The following FLNA variants were observed in gnomAD, a reference collection of about 807,000 sequenced individuals.
The protein encoded by FLNA is filamin-A.
A neutral mutation model predicts 157.6 loss-of-function variants in FLNA; 7 were observed. The observed-to-expected ratio is 0.04, with a 90% CI of 0.03 to 0.08. The LOEUF (loss-of-function observed/expected upper bound fraction) is 0.08, where lower values mean the gene tolerates loss of function less well. Ranked by LOEUF, FLNA falls within the 10% of genes least tolerant of loss-of-function variation. The probability of loss-of-function intolerance (pLI) is 1.00; values close to 1 mark genes in which losing one functional copy is unlikely to be tolerated. For missense variants in FLNA, 1,750 were observed against 2,398.4 expected (o/e 0.73, Z 5.65); for synonymous variants, 1,103 against 1,060.8 (o/e 1.04, Z -0.77).
At chrX:154,370,833 C>T (rs782758762) in intron 2 of FLNA, 40 bp downstream of exon 2, 5 of 1,196,923 alleles carry the variant, frequency 4.2e-6, no homozygotes. Context: ...CGCACGGAGT[C>T]CCCGCCCCCG....
At chrX:154,356,309 G>A (rs2067662285) in intron 30 of FLNA, among the ~76,000 whole-genome samples, 2 of 109,252 alleles carry the variant, frequency 1.8e-5, no homozygotes, top group South Asian at 3.8e-4. Flanking sequence ...TCCCCACCCC[G>A]GGCTCCCTGT....
intron 31 of FLNA, 26 bp from the exon 32 acceptor site, chrX:154,354,737 G>A (rs1569551514): frequency 8.3e-7 from 1 of 1,208,470 alleles, no homozygotes; most frequent in Admixed American, 2.2e-5. Flanking sequence ...GAGAGCTGCT[G>A]GAGAGTCTGT....
intron 21 of FLNA, 55 bp downstream of exon 21, chrX:154,361,253 G>C: frequency 8.6e-7 from 1 of 1,164,233 alleles, no homozygotes. Flanking sequence ...GTACCTTTGG[G>C]GCCCTCAGAG....
rs886044791 is a variant in FLNA at position 154,366,429 on chromosome X, G to A, written c.1107C>T (p.Pro369=). The change falls in exon 8 of 48, where the codon CCC becomes CCT. Residue 369 remains proline (P), a synonymous_variant. Transcript: ENST00000369850. ...GTGACTTATCCACGTACACCTCGAA[G>A]GGGCTCTTGGCGATGTGCTGGCCAG... ...LFAGQHIAKS[P]FEVYVDKSQG... The A allele has an allele frequency of 2.5e-6, 3 of 1,211,677 alleles. No individual in the cohort carries two copies. Among genetic ancestry groups the A allele is most frequent in the Admixed American group, 2.2e-5 (1 of 46,123 alleles).
chrX:154,368,370 G>A (rs2067779221), intron 2 of FLNA, among the ~76,000 whole-genome samples: 1 of 112,271 alleles, frequency 8.9e-6, no homozygotes, highest in East Asian at 2.8e-4. Flanking sequence ...GGGCCCAGAG[G>A]AAGGGCAGAG....
chrX:154,355,516 C>T (rs1042119198), intron 30 of FLNA, among the ~76,000 whole-genome samples: 9 of 113,272 alleles, frequency 7.9e-5, no homozygotes, highest in Admixed American at 1.8e-4. Context: ...CCTGCTGCAG[C>T]GTGGGGGGAT....
Position 154,367,867 on chromosome X carries a change from G to A in FLNA, c.597C>T (p.Gly199=), listed in dbSNP as rs369035555. The A allele has an allele frequency of 1.7e-5, 21 of 1,209,004 alleles. No homozygotes were observed. Among genetic ancestry groups the A allele is most frequent in the East Asian group, 3.0e-5 (1 of 33,760 alleles). The stretch of plus-strand genomic sequence containing the variant: ...CCGGGGCACAGCTGTCCACCAGGGC[G>A]CCCAGGGCCCGGCCGCTCTGCCAGT... ...SRDWQSGRAL[G]ALVDSCAPGL... The change falls in exon 3 of 48, where the codon GGC becomes GGT. Residue 199 remains glycine, a synonymous_variant. Transcript: ENST00000369850.
Position 154,351,036 on chromosome X carries a change from T to C in FLNA, c.7029A>G (p.Ser2343=). The change falls in exon 44 of 48, where the codon TCA becomes TCG. Residue 2343 remains serine (S), a synonymous_variant. Transcript: ENST00000369850. ...RRLTVSSLQE[S]GLKVNQPASF... ...AGGCTGGCTGGTTGACCTTTAGCCC[T>C]GACTCCTGGAAGCACAGCAGACATG... The C allele has an allele frequency of 8.3e-7, 1 of 1,211,558 alleles. No homozygotes were observed. Among genetic ancestry groups the C allele is most frequent in the Non-Finnish European group, 1.1e-6 (1 of 895,295 alleles).
chrX:154,351,199 G>A, intron 43 of FLNA, 158 bp from the exon 44 acceptor site: 1 of 556,951 alleles, frequency 1.8e-6, no homozygotes, highest in Non-Finnish European at 3.0e-6. Context: ...GGGGCAGCAA[G>A]CCACAGGCGC....
Position 154,371,305 on chromosome X carries a change from A to C in FLNA, c.-60T>G. 13 of 1,171,474 alleles carry C rather than the reference A, an allele frequency of 1.1e-5. 1 individual carries two copies. In the South Asian group the frequency reaches 2.1e-4, roughly 19 times the overall value. On this transcript the variant is annotated 5_prime_UTR_variant, in exon 2 of 48. It adds an upstream start codon to the 5' untranslated region. Transcript: ENST00000369850. ...AGCCTCGGCGAGGGGACGGCCCTTT[A>C]ATTAAAGTCGCAGGCACCTAGGCGC...
chrX:154,349,702 T>C lies in FLNA; in HGVS notation c.7499A>G (p.Lys2500Arg). 1 of 1,211,933 alleles carries C rather than the reference T, an allele frequency of 8.3e-7. No individual in the cohort carries two copies. The highest frequency in any genetic ancestry group is 1.1e-6 in the Non-Finnish European group (1 of 895,539). The change falls in exon 46 of 48, where the codon AAG becomes AGG. Residue 2500 changes from lysine (K) to arginine (R), a missense_variant. This residue lies in a region of FLNA where 970 missense variants were observed against 1,302.6 expected (regional missense o/e 0.74). Coordinates refer to ENST00000369850, the MANE Select transcript of FLNA (RefSeq NM_001110556.2). ...MAPGSYLISIKYGGPYHIGGS... is the reference protein window; with the variant it reads ...MAPGSYLISIRYGGPYHIGGS... ...CCCAATGTGGTAGGGGCCGCCGTAC[T>C]TGATGGAGATGAGGTAGCTGCCAGG...
chrX:154,355,914 T>C (rs1178533718), intron 30 of FLNA, among the ~76,000 whole-genome samples: 1 of 112,771 alleles, frequency 8.9e-6, no homozygotes, highest in Non-Finnish European at 1.9e-5. Context: ...CCTGGCCTCC[T>C]GCCAGGGAAG....
At chrX:154,363,306 C>T (rs1209365281) in intron 15 of FLNA, among the ~76,000 whole-genome samples, 1 of 111,446 alleles carries the variant, frequency 9.0e-6, no homozygotes, top group Non-Finnish European at 1.9e-5. Flanking sequence ...ATCCCAGCTA[C>T]TCAGGAGGCT....
rs370491691 is a variant in FLNA at position 154,352,931 on chromosome X, G to A, written c.6227-7C>T. ...AGGCTGAGCCCACCATAGCCTAGGGGATGGATACCCCTGAGCCTCGGTGCT... is the reference window on the plus strand; with the variant it reads ...AGGCTGAGCCCACCATAGCCTAGGGAATGGATACCCCTGAGCCTCGGTGCT... On this transcript the variant is annotated splice_polypyrimidine_tract_variant and splice_region_variant and intron_variant, in intron 38 of 47. Coordinates refer to ENST00000369850, the MANE Select transcript of FLNA (RefSeq NM_001110556.2). The A allele has an allele frequency of 1.4e-4, 169 of 1,210,475 alleles. No homozygotes were observed. Among genetic ancestry groups the A allele is most frequent in the Non-Finnish European group, 1.7e-4 (154 of 895,243 alleles).
At position 154,354,390 on chromosome X, in the gene FLNA, C is replaced by T. The variant is rs368750879; in HGVS notation, c.5407G>A (p.Glu1803Lys). ...LVIPFTIKKG[E>K]ITGEVRMPSG... ...CCAAGTCCCCACTCACCTGTGATCT[C>T]GCCCTTCTTGATGGTGAAGGGGATG... The change falls in exon 33 of 48, where the codon GAG becomes AAG. Residue 1803 changes from glutamate to lysine, a missense_variant. Glu to Lys is a moderately conservative substitution (Grantham distance 56). Transcript: ENST00000369850. 1.1e-5 allele frequency: 13 copies of T among 1,210,079 alleles called. No individual in the cohort carries two copies. Among genetic ancestry groups the T allele is most frequent in the East Asian group, 3.0e-5 (1 of 33,792 alleles).
At chrX:154,366,959 G>C (rs988590325) in intron 5 of FLNA, 109 bp from the exon 6 acceptor site, 2 of 624,789 alleles carry the variant, frequency 3.2e-6, no homozygotes, top group African/African-American at 4.3e-5. Context: ...ATTCCAAACT[G>C]GGCAAGTTCA....
chrX:154,350,159 A>G lies in FLNA; in HGVS notation c.7205T>C (p.Ile2402Thr), dbSNP rs202152952. The G allele has an allele frequency of 4.5e-5, 54 of 1,210,466 alleles. No homozygotes were observed. The highest frequency in any genetic ancestry group is 5.2e-5 in the African/African-American group (3 of 57,426). The change falls in exon 45 of 48, where the codon ATT becomes ACT. Residue 2402 changes from isoleucine to threonine, a missense_variant. By Grantham distance (89) the Ile-to-Thr change is moderately conservative (BLOSUM62 -1). This residue lies in a region of FLNA where 970 missense variants were observed against 1,302.6 expected (regional missense o/e 0.74). Transcript: ENST00000369850. ...GTGGGTGCCGTTGAACTTGACGTCA[A>G]TCAGGTAAACGCCATTCTCCCGAGG... ...FIPRENGVYLIDVKFNGTHIP... is the reference protein window; with the variant it reads ...FIPRENGVYLTDVKFNGTHIP...
Position 154,362,511 on chromosome X carries a change from G to A in FLNA, c.2472C>T (p.Phe824=), listed in dbSNP as rs782669943. 1.4e-5 allele frequency: 17 copies of A among 1,210,220 alleles called. No homozygotes were observed. The highest frequency in any genetic ancestry group is 1.2e-4 in the East Asian group (4 of 33,806). ...TGTCATTGTCATTGCGGATGATGTCGAAGTCGATGTCAGCTTCGGCGGGGC... is the reference window on the plus strand; with the variant it reads ...TGTCATTGTCATTGCGGATGATGTCAAAGTCGATGTCAGCTTCGGCGGGGC... The part of the protein sequence containing the change: ...VVGPAEADID[F]DIIRNDNDTF... The change falls in exon 17 of 48, where the codon TTC becomes TTT. Residue 824 remains phenylalanine (F), a synonymous_variant. Coordinates refer to ENST00000369850, the MANE Select transcript of FLNA (RefSeq NM_001110556.2).
rs782201239 is a variant in FLNA, at chrX:154,360,381, G to T, written c.3414C>A (p.Ile1138=). 5 of 1,211,485 alleles carry T rather than the reference G, an allele frequency of 4.1e-6. No individual in the cohort carries two copies. The highest frequency in any genetic ancestry group is 2.3e-4 in the Middle Eastern group (1 of 4,355). ...PTEPGDYNIN[I]LFADTHIPGS... The stretch of plus-strand genomic sequence containing the variant: ...CAGGGATGTGGGTGTCAGCGAAGAG[G>T]ATGTTGATGTTGTAGTCCCCGGGCT... The change falls in exon 22 of 48, where the codon ATC becomes ATA. Residue 1138 remains isoleucine, a synonymous_variant. Coordinates refer to ENST00000369850, the MANE Select transcript of FLNA (RefSeq NM_001110556.2).
Sources: gnomAD v4.1 joint callset for allele counts (sites outside exome capture counted in the v4.1 genomes callset) on GRCh38, gnomAD v4.1.1 for gene constraint, gnomAD v4.1.1 regional missense constraint, MANE v1.5 for transcripts, NCBI Gene and HGNC (gene_info 2026-07-23, HGNC 2026-07-21) for gene names.